The following CREB5 variants were observed in gnomAD, a reference collection of about 807,000 sequenced individuals.
CREB5 encodes the protein cyclic AMP-responsive element-binding protein 5.
CREB5 carries 19 observed loss-of-function variants against 57.1 expected under a neutral mutation model. The ratio of observed to expected loss-of-function variants is 0.33; its 90% CI spans 0.23 to 0.49. The LOEUF is 0.49. Ranked by LOEUF, CREB5 falls within the 20% of genes least tolerant of loss-of-function variation. CREB5 has a pLI of 0.99. For synonymous variants in CREB5, 238 were observed against 238.3 expected, an observed-to-expected ratio of 1.00 and a Z score of 0.01; for missense variants, 579 against 671.6, an observed-to-expected ratio of 0.86 and a Z score of 1.52.
At chr7:28,318,185 A>T (rs1215794303) in intron 1 of CREB5, among the ~76,000 whole-genome samples, 1 of 152,158 alleles carries the variant, frequency 6.6e-6, no homozygotes, top group African/African-American at 2.4e-5. Context: ...ACCACAGCCT[A>T]TGTTTCTTCT....
At chr7:28,456,613 C>G (rs1424303934) in intron 1 of CREB5, among the ~76,000 whole-genome samples, 1 of 152,168 alleles carries the variant, frequency 6.6e-6, no homozygotes, top group Non-Finnish European at 1.5e-5. Context: ...ATAATTCTCT[C>G]CAGAAAGGAG....
chr7:28,783,127 A>G (rs1477398980), intron 7 of CREB5, among the ~76,000 whole-genome samples: 1 of 152,180 alleles, frequency 6.6e-6, no homozygotes, highest in Non-Finnish European at 1.5e-5. Context: ...CACCTCCAGA[A>G]CACTAATGTT....
chr7:28,323,154 C>A (rs1785522006), intron 1 of CREB5, among the ~76,000 whole-genome samples: 1 of 152,156 alleles, frequency 6.6e-6, no homozygotes, highest in Non-Finnish European at 1.5e-5. Flanking sequence ...TCATACCCTC[C>A]CCTCACCGAA....
intron 5 of CREB5, among the ~76,000 whole-genome samples, chr7:28,653,334 A>T (rs1393074647): frequency 6.6e-6 from 1 of 152,174 alleles, no homozygotes; most frequent in Non-Finnish European, 1.5e-5. Flanking sequence ...TTAGGAACAG[A>T]AGTCATTCTG....
chr7:28,612,064 G>A (rs534604838), intron 5 of CREB5, among the ~76,000 whole-genome samples: 4 of 152,176 alleles, frequency 2.6e-5, no homozygotes, highest in African/African-American at 9.6e-5. Flanking sequence ...ATGATGCCAG[G>A]AAAGCTGTTC....
chr7:28,413,629 A>G (rs540340989), intron 1 of CREB5, among the ~76,000 whole-genome samples: 45 of 152,186 alleles, frequency 3.0e-4, no homozygotes, highest in Non-Finnish European at 5.7e-4. Flanking sequence ...ATTGCCTGTC[A>G]ATTAGCGGTC....
intron 1 of CREB5, among the ~76,000 whole-genome samples, chr7:28,388,753 A>G (rs931079692): frequency 4.6e-5 from 7 of 152,290 alleles, no homozygotes; most frequent in East Asian, 3.9e-4. Flanking sequence ...ATCACGCATA[A>G]TGCCTCAACT....
At chr7:28,489,296 C>CTTTTTTTTT (rs70977046) in intron 2 of CREB5, among the ~76,000 whole-genome samples, 5 of 96,648 alleles carry the variant, frequency 5.2e-5, no homozygotes, top group African/African-American at 1.7e-4. Context: ...GAGGACCCTT[C>CTTTTTTTTT]TTTTTTTTTT....
chr7:28,590,776 G>A (rs1442260444), intron 5 of CREB5, among the ~76,000 whole-genome samples: 2 of 151,840 alleles, frequency 1.3e-5, no homozygotes, highest in Non-Finnish European at 1.5e-5. Flanking sequence ...CAGTGCCTCT[G>A]TTTCTCTTCC....
At chr7:28,334,450 C>T (rs1270230368) in intron 1 of CREB5, among the ~76,000 whole-genome samples, 1 of 152,166 alleles carries the variant, frequency 6.6e-6, no homozygotes, top group Non-Finnish European at 1.5e-5. Flanking sequence ...AGCCACCATG[C>T]CCAGCTAACC....
In CREB5 at chr7:28,579,981, T is replaced by C. The variant is rs564431987; in HGVS notation, c.464+9444T>C. ...ATTGCATATTTAAAGAGATAAGCAG[T>C]AAGGTACTAGATTAAAGAGAAGGTA... On this transcript the variant is annotated intron_variant, in intron 5 of 10. Coordinates refer to ENST00000357727, the MANE Select transcript of CREB5 (RefSeq NM_182898.4). Among the ~76,000 whole-genome samples, 8 of 152,252 alleles carry C rather than the reference T, an allele frequency of 5.3e-5. No individual in the cohort carries two copies. The South Asian group carries it at 1.7e-3, about 32-fold the overall frequency.
At chr7:28,700,478 C>T (rs1051275418) in intron 5 of CREB5, among the ~76,000 whole-genome samples, 2 of 152,078 alleles carry the variant, frequency 1.3e-5, no homozygotes, top group Non-Finnish European at 2.9e-5. Flanking sequence ...GCACAGTTCC[C>T]GAGATACAGC....
In CREB5 at chr7:28,793,720, C is replaced by T. The variant is rs551732189; in HGVS notation, c.703-10479C>T. Among the ~76,000 whole-genome samples, 14 of 152,288 alleles carry T rather than the reference C, an allele frequency of 9.2e-5. 1 individual carries two copies. The East Asian group carries it at 1.4e-3, about 15-fold the overall frequency. The stretch of plus-strand genomic sequence containing the variant: ...GTGATGTGGCAGCGACTGGCTGTCC[C>T]GCCCAAGCAGCACACTGCCAAATCC... On this transcript the variant is annotated intron_variant, in intron 7 of 10. Coordinates refer to ENST00000357727, the MANE Select transcript of CREB5 (RefSeq NM_182898.4).
chr7:28,689,909 G>GGGGTGT (rs1554286211), intron 5 of CREB5, among the ~76,000 whole-genome samples: 40 of 141,670 alleles, frequency 2.8e-4, no homozygotes, highest in Admixed American at 2.8e-4. Context: ...ACTTGTATTT[G>GGGGTGT]GTGTGTGTGT....
chr7:28,435,474 C>G (rs76513187), intron 1 of CREB5: 2,777 of 182,670 alleles, frequency 0.015, 28 homozygotes, highest in Non-Finnish European at 0.022. Flanking sequence ...ACGTTTCCAG[C>G]TCTAGTGGCC....
Position 28,743,669 on chromosome 7 carries a change from T to C in CREB5, c.702+19337T>C, listed in dbSNP as rs1804505454. On this transcript the variant is annotated intron_variant, in intron 7 of 10. Coordinates refer to ENST00000357727, the MANE Select transcript of CREB5 (RefSeq NM_182898.4). ...ATTCATTTCTCCAGTCTCAAAATTC[T>C]GGAGGGTGGAAGTCCAAGATCAAGG... is the stretch of plus-strand genomic sequence containing the variant. Among the ~76,000 whole-genome samples the C allele has an allele frequency of 2.0e-5, 3 of 152,056 alleles. No homozygotes were observed. The South Asian group carries it at 6.2e-4, about 32-fold the overall frequency.
chr7:28,310,091 G>A (rs1785249796), intron 1 of CREB5, among the ~76,000 whole-genome samples: 1 of 152,070 alleles, frequency 6.6e-6, no homozygotes, highest in Non-Finnish European at 1.5e-5. Flanking sequence ...ATTGGAGGGT[G>A]GACACAGACG....
intron 5 of CREB5, among the ~76,000 whole-genome samples, chr7:28,678,673 G>T (rs1201186564): frequency 2.0e-5 from 3 of 152,170 alleles, no homozygotes; most frequent in East Asian, 3.9e-4. Context: ...TATTATGTCA[G>T]CAGTTTTCTC....
chr7:28,474,109 G>A (rs1185240461), intron 1 of CREB5, among the ~76,000 whole-genome samples: 1 of 152,172 alleles, frequency 6.6e-6, no homozygotes, highest in East Asian at 1.9e-4. Flanking sequence ...TGGGTGTTGG[G>A]CAGCTGGGGA....
Sources: gnomAD v4.1 joint callset for allele counts (sites outside exome capture counted in the v4.1 genomes callset) on GRCh38, gnomAD v4.1.1 for gene constraint, MANE v1.5 for transcripts, NCBI Gene and HGNC (gene_info 2026-07-23, HGNC 2026-07-21) for gene names.